Variants in SLC27A1 observed in about 807,000 individuals in gnomAD.
SLC27A1 encodes long-chain fatty acid transport protein 1.
In SLC27A1, 61 loss-of-function variants were observed where a neutral mutation model predicts 62.2. That is an observed-to-expected ratio of 0.98 (90% confidence interval 0.80 to 1.21). The LOEUF is 1.21. Among genes scored for constraint, SLC27A1 ranks in the 50% most tolerant of loss-of-function variants. The probability of loss-of-function intolerance (pLI) is 0.00; values close to 1 mark genes in which losing one functional copy is unlikely to be tolerated. For missense variants in SLC27A1, 903 were observed against 932.1 expected (o/e 0.97, Z 0.41); for synonymous variants, 435 against 408.6 (o/e 1.06, Z -0.78).
At chr19:17,487,864 G>A (rs560748789) in intron 4 of SLC27A1, among the ~76,000 whole-genome samples, 63 of 146,788 alleles carry the variant, frequency 4.3e-4, no homozygotes, top group African/African-American at 1.4e-3. Context: ...AGCAAAACCC[G>A]TCCTCTCCAT....
At chr19:17,483,362 C>T (rs1259306893) in intron 1 of SLC27A1, among the ~76,000 whole-genome samples, 7 of 152,032 alleles carry the variant, frequency 4.6e-5, no homozygotes, top group African/African-American at 1.7e-4. Context: ...CATGTGGTGC[C>T]TGGAAGGTTT....
At chr19:17,478,957 G>T (rs1006323824) in intron 1 of SLC27A1, among the ~76,000 whole-genome samples, 9 of 151,908 alleles carry the variant, frequency 5.9e-5, no homozygotes, top group African/African-American at 2.2e-4. Flanking sequence ...CTCTCCACAT[G>T]TGTTTGAGTA....
In SLC27A1 at chr19:17,504,797, C is replaced by T. The variant is rs771729270; in HGVS notation, c.*185C>T. On this transcript the variant is annotated 3_prime_UTR_variant, in exon 12 of 12. Coordinates refer to ENST00000252595, the MANE Select transcript of SLC27A1 (RefSeq NM_198580.3). ...CCGTGCCTCTCTGCTGCCTTGGTGCCCCTGTGTCTGCCTCCTCTCCCTGCT... is the reference window on the plus strand; with the variant it reads ...CCGTGCCTCTCTGCTGCCTTGGTGCTCCTGTGTCTGCCTCCTCTCCCTGCT... 1.0e-5 allele frequency: 8 copies of T among 769,316 alleles called. No individual in the cohort carries two copies. The highest frequency in any genetic ancestry group is 2.2e-4 in the Middle Eastern group (1 of 4,536). 47.7% of individuals were successfully genotyped at this position (769,316 alleles called of 1,614,324 possible).
At chr19:17,495,503 C>G (rs923936214) in intron 6 of SLC27A1, 1 of 149,216 alleles carries the variant, frequency 6.7e-6, no homozygotes, top group Non-Finnish European at 1.5e-5. Flanking sequence ...AGGATGGTCT[C>G]GATCTCCTGA....
chr19:17,494,080 G>T (rs964204285), intron 6 of SLC27A1, among the ~76,000 whole-genome samples: 71 of 149,892 alleles, frequency 4.7e-4, no homozygotes, highest in African/African-American at 1.6e-3. Context: ...GTGCAGTGGC[G>T]CAATCTTGGC....
chr19:17,478,576 G>C (rs760840989), intron 1 of SLC27A1, among the ~76,000 whole-genome samples: 5 of 150,708 alleles, frequency 3.3e-5, no homozygotes, highest in Non-Finnish European at 7.4e-5. Flanking sequence ...AGGCAGAGTG[G>C]GCCAGATGCG....
intron 6 of SLC27A1, among the ~76,000 whole-genome samples, chr19:17,493,443 A>AAC (rs1304289538): frequency 2.0e-5 from 3 of 151,402 alleles, no homozygotes; most frequent in Admixed American, 2.0e-4. Context: ...AAAAAAAAAA[A>AAC]AAAAAACAGG....
In SLC27A1 at chr19:17,486,956, G is replaced by A. The variant is rs199622264; in HGVS notation, c.561G>A (p.Ala187=). The A allele has an allele frequency of 9.1e-5, 143 of 1,570,856 alleles. 1 individual carries two copies. In the African/African-American group the frequency reaches 1.7e-3, roughly 19 times the overall value. ...TGATCTTTGGAGGAGAAATGGTGGC[G>A]GGTGAGGCCAGGCGTGGGCATCAGG... ...KALIFGGEMV[A]AVAEVSGHLG... is the part of the protein sequence containing the mutation. The change falls in exon 2 of 12, where the codon GCG becomes GCA. Residue 187 remains alanine, a splice_region_variant and synonymous_variant. Coordinates refer to ENST00000252595, the MANE Select transcript of SLC27A1 (RefSeq NM_198580.3). This position sits in a 1 kb window ranked among gnomAD's most constrained non-coding sequence, Gnocchi z 6.6.
rs778593653 is a variant in SLC27A1, at chr19:17,500,797, C to T, written c.1557C>T (p.Val519=). The T allele has an allele frequency of 1.2e-6, 2 of 1,612,646 alleles. No homozygotes were observed. The highest frequency in any genetic ancestry group is 1.7e-5 in the Admixed American group (1 of 59,486). The part of the protein sequence containing the change: ...GDTFRWRGEN[V]STTEVEGVLS... Reference sequence around the variant, plus strand: ...CCTTCCGCTGGCGAGGGGAGAACGTCTCCACCACCGAGGTGGAGGGCGTGC... The same window carrying T: ...CCTTCCGCTGGCGAGGGGAGAACGTTTCCACCACCGAGGTGGAGGGCGTGC... Residue 519 remains valine, a synonymous_variant, in exon 10 of 12, where the codon GTC becomes GTT. Transcript: ENST00000252595.
At chr19:17,494,930 A>G (rs1353842492) in intron 6 of SLC27A1, among the ~76,000 whole-genome samples, 1 of 151,086 alleles carries the variant, frequency 6.6e-6, no homozygotes, top group African/African-American at 2.4e-5. Flanking sequence ...CGGTCTATTT[A>G]GATCAGATAC....
chr19:17,502,519 T>A (rs1378757498), intron 11 of SLC27A1, among the ~76,000 whole-genome samples: 1 of 151,236 alleles, frequency 6.6e-6, no homozygotes, highest in Admixed American at 6.6e-5. Flanking sequence ...GCCCAGCTAA[T>A]TTTTTTGTAT....
intron 6 of SLC27A1, chr19:17,496,660 G>A (rs2075352972): frequency 6.5e-6 from 1 of 153,882 alleles, no homozygotes; most frequent in Admixed American, 6.6e-5. Flanking sequence ...GGCTCAGACA[G>A]GGATGTGGTA....
rs2075394665 is a variant in SLC27A1 at position 17,500,280 on chromosome 19, C to T, written c.1209C>T (p.Val403=). The T allele has an allele frequency of 4.3e-6, 7 of 1,613,604 alleles. No individual in the cohort carries two copies. Among genetic ancestry groups the T allele is most frequent in the South Asian group, 2.2e-5 (2 of 91,022 alleles). ...CAACTCAGTTCACCCCATTCCAGGT[C>T]GGCTCCTGTGGTTTCAACAGCCGCA... The part of the protein sequence containing the change: ...NCSIANMDGK[V]GSCGFNSRIL... The change falls in exon 8 of 12, where the codon GTC becomes GTT. Residue 403 remains valine (V), a splice_region_variant and synonymous_variant. Transcript: ENST00000252595.
chr19:17,505,053 C>G lies in SLC27A1; in HGVS notation c.*441C>G. On this transcript the variant is annotated 3_prime_UTR_variant, in exon 12 of 12. Coordinates refer to ENST00000252595, the MANE Select transcript of SLC27A1 (RefSeq NM_198580.3). ...GGATTACAGGCACCCGCCACCACGT[C>G]CAGCTAATTTTTATATTTTTAGTAG... 1 of 358,308 alleles carries G rather than the reference C, an allele frequency of 2.8e-6. No homozygotes were observed. Among genetic ancestry groups the G allele is most frequent in the South Asian group, 2.1e-5 (1 of 46,728 alleles). 22.2% of individuals were successfully genotyped at this position (358,308 alleles called of 1,614,324 possible). A position where few individuals can be genotyped will look rare whatever the true frequency, so the allele number is the denominator to read the frequency against.
At chr19:17,469,927 A>C (rs1433840339), upstream of SLC27A1, among the ~76,000 whole-genome samples, 1 of 121,328 alleles carries the variant, frequency 8.2e-6, no homozygotes, top group Non-Finnish European at 1.7e-5. Context: ...GCATATGTCT[A>C]ACCTAGGGGG....
At chr19:17,504,226 G>T (rs75589047) in intron 11 of SLC27A1, among the ~76,000 whole-genome samples, 1 of 152,132 alleles carries the variant, frequency 6.6e-6, no homozygotes, top group Non-Finnish European at 1.5e-5. Context: ...CAGGCAGGGT[G>T]TACATTTTCT....
chr19:17,474,518 T>C (rs1015207750), intron 1 of SLC27A1, among the ~76,000 whole-genome samples: 6 of 152,156 alleles, frequency 3.9e-5, no homozygotes, highest in African/African-American at 1.4e-4. Context: ...TTGACATACT[T>C]GCCTGTGGGT....
Position 17,500,610 on chromosome 19 carries a change from G to C in SLC27A1, c.1449G>C (p.Lys483Asn). Residue 483 changes from lysine to asparagine, a missense_variant, in exon 9 of 12, where the codon AAG (lysine) becomes AAC (asparagine). By Grantham distance (94) the Lys-to-Asn change is moderately conservative. Coordinates refer to ENST00000252595, the MANE Select transcript of SLC27A1 (RefSeq NM_198580.3). ...SKKIAHSVFS[K>N]GDSAYLSGDV... ...AGATCGCCCACAGCGTCTTCAGCAA[G>C]GGCGACAGCGCCTACCTCTCAGGTG... is the stretch of plus-strand genomic sequence containing the variant. 6.2e-7 allele frequency: 1 copy of C among 1,613,740 alleles called. No individual in the cohort carries two copies. The highest frequency in any genetic ancestry group is 2.2e-5 in the East Asian group (1 of 44,882).
intron 7 of SLC27A1, chr19:17,499,988 G>A (rs138706943): frequency 1.1e-3 from 491 of 461,614 alleles, no homozygotes; most frequent in Non-Finnish European, 1.5e-3. Flanking sequence ...TAGCTGTAGT[G>A]TCCACACAGA....
Sources: gnomAD v4.1 joint callset for allele counts (sites outside exome capture counted in the v4.1 genomes callset) on GRCh38, gnomAD v4.1.1 for gene constraint, Gnocchi (gnomAD v3.1) non-coding constraint, MANE v1.5 for transcripts, NCBI Gene and HGNC (gene_info 2026-07-23, HGNC 2026-07-21) for gene names.